The following GRM7 variants were observed in gnomAD, a reference collection of about 807,000 sequenced individuals.
The protein encoded by GRM7 is metabotropic glutamate receptor 7.
In GRM7, 35 loss-of-function variants were observed where a neutral mutation model predicts 84.5. That is an observed-to-expected ratio of 0.41 (90% CI 0.32 to 0.55). The LOEUF is 0.55. GRM7 is among the 20% of genes least tolerant of loss of function. The pLI, the probability that GRM7 is intolerant of heterozygous loss-of-function variation, is 0.19. For synonymous variants in GRM7, 487 were observed against 455.1 expected (o/e 1.07, Z -0.89); for missense variants, 1,003 against 1,194.6 (o/e 0.84, Z 2.36).
chr3:7,326,177 AAAAG>A (rs1033515379), intron 4 of GRM7, among the ~76,000 whole-genome samples: 3 of 149,390 alleles, frequency 2.0e-5, no homozygotes, highest in African/African-American at 5.1e-5. Context: ...AGGCAAAAAA[AAAAG>A]AAAAAAAAAC....
chr3:7,015,150 A>C (rs921525090), intron 1 of GRM7, among the ~76,000 whole-genome samples: 5 of 148,664 alleles, frequency 3.4e-5, no homozygotes, highest in African/African-American at 1.2e-4. Context: ...CCCATAAGCC[A>C]GCAGTGGCAA....
At position 6,879,470 on chromosome 3, in the gene GRM7, A is replaced by G. The variant is rs569147412; in HGVS notation, c.519+17563A>G. Reference sequence around the variant, plus strand: ...ACTACACCCTTACCTGTTCTGTTTTACTTATTTTGCTTAATCATTCTGCTT... The same window carrying G: ...ACTACACCCTTACCTGTTCTGTTTTGCTTATTTTGCTTAATCATTCTGCTT... On this transcript the variant is annotated intron_variant, in intron 1 of 9. Coordinates refer to ENST00000357716, the MANE Select transcript of GRM7 (RefSeq NM_000844.4). Among the ~76,000 whole-genome samples, 13 of 152,308 alleles carry G rather than the reference A, an allele frequency of 8.5e-5. No individual in the cohort carries two copies. In the South Asian group the frequency reaches 1.9e-3, roughly 22 times the overall value.
chr3:7,204,247 G>A (rs150814712), intron 2 of GRM7, among the ~76,000 whole-genome samples: 89 of 152,290 alleles, frequency 5.8e-4, no homozygotes, highest in Middle Eastern at 3.4e-3. Flanking sequence ...TCTAGGCCTC[G>A]TGTCAGTATT....
intron 4 of GRM7, among the ~76,000 whole-genome samples, chr3:7,321,364 A>G (rs1700774626): frequency 6.6e-6 from 1 of 152,084 alleles, no homozygotes; most frequent in South Asian, 2.1e-4. Flanking sequence ...ATTATATGTA[A>G]GCAGAGTTCA....
intron 2 of GRM7, among the ~76,000 whole-genome samples, chr3:7,147,236 C>T (rs529567567): frequency 2.0e-5 from 3 of 152,118 alleles, no homozygotes; most frequent in East Asian, 3.9e-4. Flanking sequence ...GATTCTCTTA[C>T]GTTTGTTTAT....
At chr3:7,614,021 T>C (rs937824208) in intron 8 of GRM7, among the ~76,000 whole-genome samples, 1 of 152,286 alleles carries the variant, frequency 6.6e-6, no homozygotes, top group South Asian at 2.1e-4. Context: ...CCTAGTACTT[T>C]GGGAGGCCAA....
chr3:6,949,385 C>G (rs1339476426), intron 1 of GRM7, among the ~76,000 whole-genome samples: 2 of 152,142 alleles, frequency 1.3e-5, no homozygotes, highest in East Asian at 3.9e-4. Flanking sequence ...ATATTGGCCC[C>G]CACTCTCTTC....
At chr3:7,182,579 CA>C (rs1349508414) in intron 2 of GRM7, among the ~76,000 whole-genome samples, 1 of 152,204 alleles carries the variant, frequency 6.6e-6, no homozygotes, top group African/African-American at 2.4e-5. Context: ...TGTTAAACAT[CA>C]GGTTCAGAAA....
At chr3:7,448,777 T>C (rs1441437895) in intron 5 of GRM7, among the ~76,000 whole-genome samples, 1 of 152,120 alleles carries the variant, frequency 6.6e-6, no homozygotes, top group African/African-American at 2.4e-5. Context: ...AAGCCTGCAA[T>C]GTTTCACAGA....
At chr3:7,534,762 G>T (rs1301566122) in intron 7 of GRM7, among the ~76,000 whole-genome samples, 1 of 152,132 alleles carries the variant, frequency 6.6e-6, no homozygotes, top group Non-Finnish European at 1.5e-5. Flanking sequence ...TTGGCAATAT[G>T]ACAAGTAAGT....
At chr3:7,209,961 C>G (rs558937230) in intron 2 of GRM7, among the ~76,000 whole-genome samples, 1 of 152,116 alleles carries the variant, frequency 6.6e-6, no homozygotes, top group Admixed American at 6.6e-5. Flanking sequence ...AAGACCCAAG[C>G]CGTAAAACAT....
intron 8 of GRM7, among the ~76,000 whole-genome samples, chr3:7,661,794 CAAAAAAAAAAAAA>C (rs71043686): frequency 7.1e-5 from 2 of 28,192 alleles, no homozygotes; most frequent in African/African-American, 1.5e-4. Flanking sequence ...GTCTCCGTCT[CAAAAAAAAAAAAA>C]AAAAAAAAAA....
chr3:7,297,785 G>A (rs1482944146), intron 2 of GRM7, among the ~76,000 whole-genome samples: 3 of 152,070 alleles, frequency 2.0e-5, no homozygotes, highest in Admixed American at 1.3e-4. Context: ...CCCCTTGGAC[G>A]GCCATTAGGA....
chr3:7,200,497 G>A (rs1034412124), intron 2 of GRM7, among the ~76,000 whole-genome samples: 1 of 152,212 alleles, frequency 6.6e-6, no homozygotes, highest in African/African-American at 2.4e-5. Flanking sequence ...TGAAGCCCAA[G>A]TTTCTGATTT....
chr3:7,657,847 A>G (rs948361377), intron 8 of GRM7, among the ~76,000 whole-genome samples: 3 of 152,198 alleles, frequency 2.0e-5, no homozygotes, highest in African/African-American at 4.8e-5. Flanking sequence ...GTCCTGGCCA[A>G]TGAGAGTTGG....
intron 7 of GRM7, among the ~76,000 whole-genome samples, chr3:7,552,758 G>A (rs948948172): frequency 1.3e-5 from 2 of 152,196 alleles, no homozygotes; most frequent in Non-Finnish European, 2.9e-5. Flanking sequence ...GCGAGGCCCG[G>A]GGCCTAGCCC....
intron 7 of GRM7, among the ~76,000 whole-genome samples, chr3:7,523,636 C>T (rs1214206386): frequency 6.6e-6 from 1 of 152,084 alleles, no homozygotes; most frequent in East Asian, 1.9e-4. Context: ...ATGTACTTTC[C>T]TGACAATGAT....
At chr3:7,387,719 G>A (rs1694839539) in intron 4 of GRM7, among the ~76,000 whole-genome samples, 2 of 152,092 alleles carry the variant, frequency 1.3e-5, no homozygotes, top group Admixed American at 1.3e-4. Flanking sequence ...GCCAGTTAAT[G>A]TGATGCCTAC....
At chr3:7,599,860 G>A (rs112785313) in intron 8 of GRM7, among the ~76,000 whole-genome samples, 1 of 152,054 alleles carries the variant, frequency 6.6e-6, no homozygotes, top group African/African-American at 2.4e-5. Flanking sequence ...GTACACGGTC[G>A]TGGGGGGTGG....
Sources: allele counts gnomAD v4.1 joint callset (sites outside exome capture counted in the v4.1 genomes callset), GRCh38; gene constraint gnomAD v4.1.1; transcripts MANE v1.5; gene names NCBI Gene and HGNC (gene_info 2026-07-23, HGNC 2026-07-21).